The following DENND2D variants were observed in gnomAD, a reference collection of about 807,000 sequenced individuals.
The protein encoded by DENND2D is DENN domain containing 2D, also known as DENN domain-containing protein 2D.
DENND2D carries 37 observed loss-of-function variants against 59.8 expected under a neutral mutation model. The observed-to-expected ratio is 0.62, with a 90% CI of 0.48 to 0.81. The LOEUF (loss-of-function observed/expected upper bound fraction) is 0.81, where lower values mean the gene tolerates loss of function less well. Among genes scored for constraint, DENND2D ranks in the 40% least tolerant of loss-of-function variants. The probability of loss-of-function intolerance (pLI) is 0.00; values close to 1 mark genes in which losing one functional copy is unlikely to be tolerated. For synonymous variants in DENND2D, 219 were observed against 211.3 expected, an observed-to-expected ratio of 1.04 and a Z score of -0.31; for missense variants, 525 against 579.7, an observed-to-expected ratio of 0.91 and a Z score of 0.97.
At chr1:111,202,507 C>G (rs575383941), upstream of DENND2D, 1 of 152,284 alleles carries the variant, frequency 6.6e-6, no homozygotes, top group South Asian at 2.1e-4. Context: ...CTAGGGAAGT[C>G]AGGAATCTGG....
rs1571167212 is a variant in DENND2D at position 111,187,531 on chromosome 1, G to T, written c.*74C>A. ...GATTTTGGGAGCTGACAGTTTTGCT[G>T]ATCCTGCCACACTGGCAGGGGCTGA... On this transcript the variant is annotated 3_prime_UTR_variant, in exon 12 of 12. Transcript: ENST00000357640. 1.5e-6 allele frequency: 2 copies of T among 1,324,742 alleles called. No individual in the cohort carries two copies. The highest frequency in any genetic ancestry group is 1.2e-5 in the South Asian group (1 of 83,356). The allele number at this position is 1,324,742 out of a possible 1,614,324, so 82.1% of individuals were successfully genotyped here.
At chr1:111,201,108 A>G (rs1342131169), upstream of DENND2D, 1 of 154,382 alleles carries the variant, frequency 6.5e-6, no homozygotes, top group Non-Finnish European at 1.4e-5. Context: ...TCCCCTGATT[A>G]AGATAAATAG....
intron 8 of DENND2D, 109 bp downstream of exon 8, chr1:111,192,031 A>C (rs1657822610): frequency 9.4e-7 from 1 of 1,059,442 alleles, no homozygotes; most frequent in Admixed American, 3.0e-5. Flanking sequence ...CTCAGGCTTA[A>C]AGAGGTAAGG....
rs139001000 is a variant in DENND2D, at chr1:111,197,798, G to A, written c.426+122C>T. On this transcript the variant is annotated intron_variant, in intron 4 of 11. Transcript: ENST00000357640. ...CTAGCATGGCAGCAGGTCCTGGGCT[G>A]TGCTTTTTCTACAACCAGTGCTGCC... 163 of 1,517,372 alleles carry A rather than the reference G, an allele frequency of 1.1e-4. No individual in the cohort carries two copies. The African/African-American group carries it at 2.0e-3, about 18-fold the overall frequency. 94.0% of individuals were successfully genotyped at this position (1,517,372 alleles called of 1,614,324 possible).
At chr1:111,197,427 A>G (rs1658349083) in intron 4 of DENND2D, 174 bp from the exon 5 acceptor site, 6 of 1,442,714 alleles carry the variant, frequency 4.2e-6, no homozygotes, top group Non-Finnish European at 5.5e-6. Context: ...CCTTGAGGGT[A>G]CTGGGTGAGT....
intron 1 of DENND2D, 166 bp from the exon 2 acceptor site, chr1:111,199,964 C>T (rs562968262): frequency 3.7e-6 from 3 of 806,688 alleles, no homozygotes; most frequent in African/African-American, 1.7e-5. Flanking sequence ...GCCAAATGGG[C>T]AGTTTCCACA....
Position 111,187,579 on chromosome 1 carries a change from C to G in DENND2D, c.*26G>C, listed in dbSNP as rs753096088. 3 of 1,594,468 alleles carry G rather than the reference C, an allele frequency of 1.9e-6. No homozygotes were observed. The highest frequency in any genetic ancestry group is 2.7e-5 in the African/African-American group (2 of 74,446). On this transcript the variant is annotated 3_prime_UTR_variant, in exon 12 of 12. Coordinates refer to ENST00000357640, the MANE Select transcript of DENND2D (RefSeq NM_024901.5). ...TGAAGTCCAGAAATGGTGTGTAGCTCTAGTCATTCTTATTCACCACAGCTC... is the reference window on the plus strand; with the variant it reads ...TGAAGTCCAGAAATGGTGTGTAGCTGTAGTCATTCTTATTCACCACAGCTC...
At chr1:111,200,916 G>A (rs190268114), upstream of DENND2D, 25 of 193,498 alleles carry the variant, frequency 1.3e-4, 1 homozygote, top group East Asian at 1.5e-3. Flanking sequence ...ACTGGAAACC[G>A]GCTGGTCTCA....
rs780439490 is a variant in DENND2D at position 111,192,203 on chromosome 1, G to T, written c.909C>A (p.Thr303=). The T allele has an allele frequency of 3.1e-5, 50 of 1,613,842 alleles. No individual in the cohort carries two copies. Among genetic ancestry groups the T allele is most frequent in the Non-Finnish European group, 4.0e-5 (47 of 1,179,926 alleles). ...GCATTTGTACTCCAACCATGAAGGG[G>T]GTGGGGCAGCAGACGGTGGCCAGAA... ...ESLLATVCCP[T]PFMVGVQMRF... is the part of the protein sequence containing the mutation. Residue 303 remains threonine (T), a synonymous_variant, in exon 8 of 12, where the codon ACC becomes ACA. Coordinates refer to ENST00000357640, the MANE Select transcript of DENND2D (RefSeq NM_024901.5).
chr1:111,192,792 C>CCT (rs1657899218), intron 7 of DENND2D, among the ~76,000 whole-genome samples: 1 of 152,164 alleles, frequency 6.6e-6, no homozygotes, highest in East Asian at 1.9e-4. Context: ...GGAGGCTCAG[C>CCT]CGAGAGGCAA....
At chr1:111,193,097 T>C (rs1420585070) in intron 7 of DENND2D, among the ~76,000 whole-genome samples, 1 of 152,226 alleles carries the variant, frequency 6.6e-6, no homozygotes, top group Non-Finnish European at 1.5e-5. Flanking sequence ...TCTTTCTCTT[T>C]TATCCCCTGG....
At chr1:111,188,452 C>A in intron 10 of DENND2D, 82 bp from the exon 11 acceptor site, 1 of 1,562,164 alleles carries the variant, frequency 6.4e-7, no homozygotes, top group Admixed American at 1.8e-5. Context: ...GGCTTTCTTG[C>A]AGGCGGAAAG....
chr1:111,189,576 A>G (rs757385868), intron 8 of DENND2D, among the ~76,000 whole-genome samples: 1 of 152,218 alleles, frequency 6.6e-6, no homozygotes, highest in Non-Finnish European at 1.5e-5. Context: ...TTGCTTCTAC[A>G]TGGAGCATTT....
At chr1:111,190,465 T>C (rs1264296230) in intron 8 of DENND2D, among the ~76,000 whole-genome samples, 1 of 152,218 alleles carries the variant, frequency 6.6e-6, no homozygotes, top group Non-Finnish European at 1.5e-5. Context: ...TTTTAAGTAA[T>C]TGATTTGGTT....
In DENND2D at chr1:111,196,006, G is replaced by A. The variant is rs1421708303; in HGVS notation, c.555C>T (p.Tyr185=). ...CCTCTCGGAGGCCCTGCATGAACGGGTAGATGACAGCCATGGAGATCTGAT... is the reference window on the plus strand; with the variant it reads ...CCTCTCGGAGGCCCTGCATGAACGGATAGATGACAGCCATGGAGATCTGAT... ...KRHQISMAVI[Y]PFMQGLREAA... The change falls in exon 6 of 12, where the codon TAC becomes TAT. Residue 185 remains tyrosine (Y), a synonymous_variant. Coordinates refer to ENST00000357640, the MANE Select transcript of DENND2D (RefSeq NM_024901.5). 6.2e-7 allele frequency: 1 copy of A among 1,613,938 alleles called. No homozygotes were observed. Among genetic ancestry groups the A allele is most frequent in the South Asian group, 1.1e-5 (1 of 91,064 alleles).
chr1:111,190,082 T>G (rs1657609452), intron 8 of DENND2D, among the ~76,000 whole-genome samples: 3 of 146,032 alleles, frequency 2.1e-5, no homozygotes, highest in Admixed American at 7.0e-5. Context: ...GAGAATGGCG[T>G]GAACCCGGGA....
chr1:111,186,864 A>G lies in DENND2D; in HGVS notation c.*741T>C, dbSNP rs1657279365. Among the ~76,000 whole-genome samples, 1 of 152,144 alleles carries G rather than the reference A, an allele frequency of 6.6e-6. No homozygotes were observed. Among genetic ancestry groups the G allele is most frequent in the African/African-American group, 2.4e-5 (1 of 41,440 alleles). On this transcript the variant is annotated 3_prime_UTR_variant, in exon 12 of 12. Coordinates refer to ENST00000357640, the MANE Select transcript of DENND2D (RefSeq NM_024901.5). ...CAGGCTGCTGTTGACTGAAATTCCT[A>G]TCCTCAAATTACTCTAGACTGAAGC...
Position 111,197,204 on chromosome 1 carries a change from C to T in DENND2D, c.476G>A (p.Cys159Tyr). Residue 159 changes from cysteine (C) to tyrosine (Y), a missense_variant, in exon 5 of 12, where the codon TGC (cysteine) becomes TAC (tyrosine). By Grantham distance (194) the Cys-to-Tyr change is radical. Around this residue, in one of 3 missense-constraint regions of DENND2D, gnomAD observed 253 missense variants for 246.4 expected, o/e 1.03. Coordinates refer to ENST00000357640, the MANE Select transcript of DENND2D (RefSeq NM_024901.5). Reference sequence around the variant, plus strand: ...GGAGAACAAGCCGAAGCAGCCGATGCAGCTGATGATGCAGTACACTTTGGG... The same window carrying T: ...GGAGAACAAGCCGAAGCAGCCGATGTAGCTGATGATGCAGTACACTTTGGG... Reference protein sequence around the residue: ...RLPKVYCIISCIGCFGLFSKI... With the variant: ...RLPKVYCIISYIGCFGLFSKI... The T allele has an allele frequency of 1.2e-6, 2 of 1,613,932 alleles. No individual in the cohort carries two copies. Among genetic ancestry groups the T allele is most frequent in the Non-Finnish European group, 1.7e-6 (2 of 1,179,970 alleles).
Position 111,199,724 on chromosome 1 carries a change from C to T in DENND2D, c.142G>A (p.Ala48Thr), listed in dbSNP as rs768262590. The change falls in exon 2 of 12, where the codon GCT becomes ACT. Residue 48 changes from alanine to threonine, a missense_variant. Physicochemically the swap from Ala to Thr is moderately conservative, Grantham distance 58. Coordinates refer to ENST00000357640, the MANE Select transcript of DENND2D (RefSeq NM_024901.5). ...RAQEHSLPNF[A>T]GGQHFFEYLL... ...TATTCAAAGAAGTGCTGCCCCCCAG[C>T]AAAGTTGGGCAAAGAGTGCTCCTGG... is the stretch of plus-strand genomic sequence containing the variant. 3.7e-6 allele frequency: 6 copies of T among 1,614,020 alleles called. No individual in the cohort carries two copies. Among genetic ancestry groups the T allele is most frequent in the Non-Finnish European group, 5.1e-6 (6 of 1,180,028 alleles).
Sources: allele counts gnomAD v4.1 joint callset (sites outside exome capture counted in the v4.1 genomes callset), GRCh38; gene constraint gnomAD v4.1.1; regional missense constraint gnomAD v4.1.1; transcripts MANE v1.5; gene names NCBI Gene and HGNC (gene_info 2026-07-23, HGNC 2026-07-21).